Variants in ADAMTS17 observed in about 807,000 individuals in gnomAD.
The protein encoded by ADAMTS17 is ADAM metallopeptidase with thrombospondin type 1 motif 17.
ADAMTS17 carries 113 observed loss-of-function variants against 141.5 expected under a neutral mutation model. That is an observed-to-expected ratio of 0.80 (90% CI 0.69 to 0.93). The LOEUF (loss-of-function observed/expected upper bound fraction) is 0.93. Among genes scored for constraint, ADAMTS17 ranks in the 40% least tolerant of loss-of-function variants. ADAMTS17 has a pLI of 0.00. For synonymous variants in ADAMTS17, 768 were observed against 630.6 expected (o/e 1.22, Z -3.27); for missense variants, 1,659 against 1,517.9 (o/e 1.09, Z -1.54).
At chr15:100,302,827 G>A (rs1218570738) in intron 3 of ADAMTS17, among the ~76,000 whole-genome samples, 1 of 152,172 alleles carries the variant, frequency 6.6e-6, no homozygotes, top group Admixed American at 6.5e-5. Flanking sequence ...GCTGCGAAAG[G>A]CAGGCCCACC....
intron 7 of ADAMTS17, among the ~76,000 whole-genome samples, chr15:100,229,361 C>T (rs1033018313): frequency 6.0e-5 from 9 of 151,096 alleles, no homozygotes; most frequent in Non-Finnish European, 1.0e-4. Context: ...GCAACTCTGA[C>T]GTGAAACATG....
chr15:100,151,909 CA>C (rs1054524703), intron 10 of ADAMTS17, among the ~76,000 whole-genome samples: 3 of 152,226 alleles, frequency 2.0e-5, no homozygotes, highest in Non-Finnish European at 2.9e-5. Context: ...CGTGTGCAAT[CA>C]GGGGTGAATG....
At chr15:100,017,331 C>A (rs1179170420) in intron 18 of ADAMTS17, among the ~76,000 whole-genome samples, 1 of 152,244 alleles carries the variant, frequency 6.6e-6, no homozygotes, top group African/African-American at 2.4e-5. Flanking sequence ...CTGCCCCCAC[C>A]TGTGGAATCT....
At position 100,138,000 on chromosome 15, in the gene ADAMTS17, T is replaced by C. The variant is rs184878104; in HGVS notation, c.1474-4685A>G. Among the ~76,000 whole-genome samples the C allele has an allele frequency of 5.4e-3, 822 of 152,356 alleles. 3 individuals are homozygous for C. The highest frequency in any genetic ancestry group is 0.014 in the Middle Eastern group (4 of 294). ...AATTGTGCTATTTTTTCTTTGTGGT[T>C]AACATTTTACCTTTGAAAGCTCTTA... On this transcript the variant is annotated intron_variant, in intron 10 of 21. Transcript: ENST00000268070.
At chr15:100,167,993 A>G (rs2040015543) in intron 8 of ADAMTS17, among the ~76,000 whole-genome samples, 1 of 152,236 alleles carries the variant, frequency 6.6e-6, no homozygotes, top group Non-Finnish European at 1.5e-5. Flanking sequence ...ATGACCTGCC[A>G]GAAAGTGGCG....
chr15:100,047,398 G>T (rs1465662864), intron 18 of ADAMTS17, among the ~76,000 whole-genome samples: 2 of 150,688 alleles, frequency 1.3e-5, no homozygotes, highest in African/African-American at 4.9e-5. Flanking sequence ...CTCCCCTTTT[G>T]AAAATCCCTA....
chr15:100,091,133 C>G (rs36084858), intron 15 of ADAMTS17, among the ~76,000 whole-genome samples: 31,440 of 151,468 alleles, frequency 0.21, 4,000 homozygotes, highest in East Asian at 0.51. Flanking sequence ...CTGCTCTGAC[C>G]CAGAGCTCAA....
At chr15:100,042,812 C>T (rs1302123723) in intron 18 of ADAMTS17, among the ~76,000 whole-genome samples, 1 of 152,170 alleles carries the variant, frequency 6.6e-6, no homozygotes, top group African/African-American at 2.4e-5. Flanking sequence ...CAGCAAGCAA[C>T]TTAAAACTGA....
At position 100,197,578 on chromosome 15, in the gene ADAMTS17, G is replaced by A. The variant is rs1008675377; in HGVS notation, c.1181+1740C>T. ...AAACAGTTCTGTGCAAAGAATTGTC[G>A]CCAGTATTTTTAAAAATAGTGTTGA... On this transcript the variant is annotated intron_variant, in intron 8 of 21. Transcript: ENST00000268070. Among the ~76,000 whole-genome samples, 4 of 152,198 alleles carry A rather than the reference G, an allele frequency of 2.6e-5. 1 individual carries two copies. Among genetic ancestry groups the A allele is most frequent in the African/African-American group, 2.4e-5 (1 of 41,516 alleles).
intron 18 of ADAMTS17, among the ~76,000 whole-genome samples, chr15:100,011,636 C>T (rs562303018): frequency 5.0e-4 from 76 of 152,274 alleles, no homozygotes; most frequent in African/African-American, 1.8e-3. Flanking sequence ...CTTATTTGAT[C>T]CTTGCATTGA....
chr15:100,267,475 A>G (rs2043756698), intron 4 of ADAMTS17, among the ~76,000 whole-genome samples: 1 of 152,130 alleles, frequency 6.6e-6, no homozygotes. Flanking sequence ...CTCTGCTTTT[A>G]ATTCATTTCT....
At chr15:100,255,372 C>T (rs1596372879) in intron 6 of ADAMTS17, among the ~76,000 whole-genome samples, 2 of 152,274 alleles carry the variant, frequency 1.3e-5, no homozygotes, top group South Asian at 2.1e-4. Context: ...CTTTTCATAA[C>T]CTCACTCCAA....
chr15:100,188,155 T>C (rs1321681410), intron 8 of ADAMTS17, among the ~76,000 whole-genome samples: 1 of 151,986 alleles, frequency 6.6e-6, no homozygotes, highest in Non-Finnish European at 1.5e-5. Context: ...CGGCTCACTG[T>C]AACCTCCACC....
chr15:100,020,357 ACACAGGGGAAGCGCTCCCTCAG>A (rs1194872806), intron 18 of ADAMTS17, among the ~76,000 whole-genome samples: 2 of 152,210 alleles, frequency 1.3e-5, no homozygotes, highest in Non-Finnish European at 2.9e-5. Flanking sequence ...TGTAAGGGCG[ACACAGGGGAAGCGCTCCCTCAG>A]CAACTGTGTT....
chr15:100,269,672 CAGG>C (rs1424491058), intron 4 of ADAMTS17, among the ~76,000 whole-genome samples: 1 of 152,138 alleles, frequency 6.6e-6, no homozygotes, highest in African/African-American at 2.4e-5. Context: ...AGTAGACAGT[CAGG>C]AGATGTTCTT....
intron 18 of ADAMTS17, among the ~76,000 whole-genome samples, chr15:100,048,429 A>C (rs2031879192): frequency 6.6e-6 from 1 of 152,120 alleles, no homozygotes; most frequent in Admixed American, 6.5e-5. Flanking sequence ...ACCAAGATCC[A>C]CACTCACTGG....
intron 2 of ADAMTS17, 156 bp downstream of exon 2, chr15:100,340,883 G>A (rs2046342943): frequency 1.3e-5 from 15 of 1,173,136 alleles, no homozygotes; most frequent in East Asian, 2.8e-5. Flanking sequence ...CGAAGGCCGG[G>A]GTGGGGGATG....
intron 15 of ADAMTS17, among the ~76,000 whole-genome samples, chr15:100,059,132 C>T (rs1004968183): frequency 6.6e-6 from 1 of 152,206 alleles, no homozygotes; most frequent in African/African-American, 2.4e-5. Flanking sequence ...TCTGAAGATG[C>T]TTGTCTTTGC....
intron 8 of ADAMTS17, among the ~76,000 whole-genome samples, chr15:100,179,061 C>A (rs892267664): frequency 6.6e-6 from 1 of 152,134 alleles, no homozygotes; most frequent in East Asian, 1.9e-4. Flanking sequence ...TCAGGGCAAA[C>A]GGGGTATCAT....
Sources: gnomAD v4.1 joint callset for allele counts (sites outside exome capture counted in the v4.1 genomes callset) on GRCh38, gnomAD v4.1.1 for gene constraint, MANE v1.5 for transcripts, NCBI Gene and HGNC (gene_info 2026-07-23, HGNC 2026-07-21) for gene names.